TENM3: variants seen among roughly 807,000 people sequenced by gnomAD.
TENM3 encodes teneurin transmembrane protein 3, also known as teneurin-3.
A neutral mutation model predicts 255.1 loss-of-function variants in TENM3; 63 were observed. The ratio of observed to expected loss-of-function variants is 0.25; its 90% CI spans 0.20 to 0.30. The LOEUF (loss-of-function observed/expected upper bound fraction) is 0.30, where lower values mean the gene tolerates loss of function less well. Among genes scored for constraint, TENM3 ranks in the 10% least tolerant of loss-of-function variants. TENM3 has a pLI of 1.00. For synonymous variants in TENM3, 1,306 were observed against 1,322.3 expected, an observed-to-expected ratio of 0.99 and a Z score of 0.27; for missense variants, 2,929 against 3,461.1, an observed-to-expected ratio of 0.85 and a Z score of 3.86.
the TENM3 span, among the ~76,000 whole-genome samples, chr4:181,664,497 A>AAAT: frequency 6.6e-6 from 1 of 151,984 alleles, no homozygotes; most frequent in Non-Finnish European, 1.5e-5. Flanking sequence ...AAAACAAAAA[A>AAAT]ATAGAATCTA....
At chr4:182,511,505 A>G (rs1453317876) in intron 3 of TENM3, among the ~76,000 whole-genome samples, 1 of 152,224 alleles carries the variant, frequency 6.6e-6, no homozygotes, top group Admixed American at 6.5e-5. Flanking sequence ...TTCAACTAAA[A>G]AGATGAATAG....
At chr4:182,535,019 A>G (rs537540979) in intron 3 of TENM3, among the ~76,000 whole-genome samples, 1 of 152,324 alleles carries the variant, frequency 6.6e-6, no homozygotes, top group South Asian at 2.1e-4. Context: ...ATTAAGAGTC[A>G]GGATTGCTGT....
the TENM3 span, among the ~76,000 whole-genome samples, chr4:181,900,634 T>C: frequency 6.6e-6 from 1 of 152,186 alleles, no homozygotes; most frequent in Non-Finnish European, 1.5e-5. Flanking sequence ...GTCCTCTTTT[T>C]CCTTCAGTGC....
the TENM3 span, among the ~76,000 whole-genome samples, chr4:182,100,448 A>AT: frequency 0.012 from 1,332 of 114,682 alleles, 49 homozygotes; most frequent in African/African-American, 0.032. Flanking sequence ...TAAAAAAAAA[A>AT]ATATATATAT....
chr4:181,570,078 G>T, the TENM3 span, among the ~76,000 whole-genome samples: 2 of 132,272 alleles, frequency 1.5e-5, no homozygotes, highest in East Asian at 4.3e-4. Flanking sequence ...TCGCTCTGTC[G>T]CCCAGGTCGG....
chr4:182,688,303 G>A lies in TENM3; in HGVS notation c.2173G>A (p.Gly725Ser). ...TGCCGAGCACGGGACCTGCAAGGAT[G>A]GCAAGTGTGAATGCAGCCAGGGCTG... ...RCAEHGTCKD[G>S]KCECSQGWNG... Residue 725 changes from glycine to serine, a missense_variant, in exon 12 of 28, where the codon GGC (glycine) becomes AGC (serine). Around this residue, in one of 6 missense-constraint regions of TENM3, gnomAD observed 1,608 missense variants for 1,884.4 expected, o/e 0.85. Transcript: ENST00000511685. 6.2e-7 allele frequency: 1 copy of A among 1,613,920 alleles called. No homozygotes were observed. The highest frequency in any genetic ancestry group is 8.5e-7 in the Non-Finnish European group (1 of 1,179,834).
chr4:181,901,553 G>A, the TENM3 span, among the ~76,000 whole-genome samples: 11 of 152,284 alleles, frequency 7.2e-5, no homozygotes, highest in East Asian at 1.9e-4. Context: ...TCAATATGTC[G>A]TGAGAGTCTA....
At chr4:181,778,234 A>C in the TENM3 span, among the ~76,000 whole-genome samples, 3 of 152,134 alleles carry the variant, frequency 2.0e-5, no homozygotes, top group African/African-American at 7.2e-5. Flanking sequence ...CCGCAGCAAA[A>C]AAAGGATGGC....
intron 1 of TENM3, among the ~76,000 whole-genome samples, chr4:182,249,572 C>T (rs1407596793): frequency 6.6e-6 from 1 of 152,118 alleles, no homozygotes; most frequent in Admixed American, 6.5e-5. Flanking sequence ...CTTCCTCTCA[C>T]ATCTTCTTGG....
At position 182,658,047 on chromosome 4, in the gene TENM3, C is replaced by G. The variant is rs538084693; in HGVS notation, c.1111+4154C>G. On this transcript the variant is annotated intron_variant, in intron 6 of 27. Transcript: ENST00000511685. ...CTTACAGTTGGGCTTTCACAGTACC[C>G]CTAGCTCATGACTTGTCCTCCTCTA... is the stretch of plus-strand genomic sequence containing the variant. Among the ~76,000 whole-genome samples the G allele has an allele frequency of 2.6e-5, 4 of 152,280 alleles. 1 individual carries two copies. The South Asian group carries it at 8.3e-4, about 32-fold the overall frequency.
At chr4:182,145,530 A>T (rs565003472) in intron 1 of TENM3, among the ~76,000 whole-genome samples, 1 of 152,294 alleles carries the variant, frequency 6.6e-6, no homozygotes, top group Non-Finnish European at 1.5e-5. Flanking sequence ...GCATCTTACT[A>T]TGCAGCTTGG....
chr4:182,589,567 T>G (rs1438423915), intron 3 of TENM3, among the ~76,000 whole-genome samples: 4 of 152,016 alleles, frequency 2.6e-5, no homozygotes, highest in Non-Finnish European at 5.9e-5. Flanking sequence ...GTCTGTAGAC[T>G]GTAGCTGAAG....
intron 1 of TENM3, among the ~76,000 whole-genome samples, chr4:182,237,435 G>A (rs1289402502): frequency 2.7e-5 from 4 of 150,066 alleles, no homozygotes; most frequent in African/African-American, 9.9e-5. Flanking sequence ...GTGCTATCTC[G>A]GCTCACTGTA....
At chr4:182,737,963 T>C (rs1443767647) in intron 17 of TENM3, among the ~76,000 whole-genome samples, 1 of 152,198 alleles carries the variant, frequency 6.6e-6, no homozygotes, top group Non-Finnish European at 1.5e-5. Context: ...GCTTTTTTGT[T>C]CCATTGAACC....
At chr4:182,679,610 AG>A in intron 7 of TENM3, 55 bp from the exon 8 acceptor site, 18 of 1,332,388 alleles carry the variant, frequency 1.4e-5, no homozygotes, top group South Asian at 2.6e-5. Context: ...AAAAAAAAAA[AG>A]AGAGAAGCAG....
At chr4:182,130,570 C>T in the TENM3 span, among the ~76,000 whole-genome samples, 1 of 152,100 alleles carries the variant, frequency 6.6e-6, no homozygotes, top group Non-Finnish European at 1.5e-5. Flanking sequence ...TACCCTCAGT[C>T]AGTGTGCACA....
chr4:182,203,792 G>A (rs1254307609), intron 1 of TENM3, among the ~76,000 whole-genome samples: 1 of 152,178 alleles, frequency 6.6e-6, no homozygotes, highest in Non-Finnish European at 1.5e-5. Flanking sequence ...AACCCTTCTG[G>A]AAGGACATCT....
the TENM3 span, among the ~76,000 whole-genome samples, chr4:181,905,328 G>C: frequency 6.6e-6 from 1 of 152,250 alleles, no homozygotes; most frequent in Non-Finnish European, 1.5e-5. Flanking sequence ...ATCTACAACA[G>C]TGCCAGACAC....
intron 1 of TENM3, among the ~76,000 whole-genome samples, chr4:182,273,015 C>T (rs1022138874): frequency 6.6e-6 from 1 of 152,114 alleles, no homozygotes; most frequent in Non-Finnish European, 1.5e-5. Context: ...GTGAGTTAGT[C>T]TTGAGGGTTG....
Sources: gnomAD v4.1 joint callset for allele counts (sites outside exome capture counted in the v4.1 genomes callset) on GRCh38, gnomAD v4.1.1 for gene constraint, gnomAD v4.1.1 regional missense constraint, MANE v1.5 for transcripts, NCBI Gene and HGNC (gene_info 2026-07-23, HGNC 2026-07-21) for gene names.